USH2A: variants seen among roughly 807,000 people sequenced by gnomAD.
The protein encoded by USH2A is Usher syndrome 2A (autosomal recessive, mild).
Under a neutral mutation model 538.9 loss-of-function variants are expected in USH2A, and 443 were observed. The ratio of observed to expected loss-of-function variants is 0.82; its 90% confidence interval spans 0.76 to 0.89. The LOEUF is 0.89. Ranked by LOEUF, USH2A falls within the 40% of genes least tolerant of loss-of-function variation. The pLI, the probability that USH2A is intolerant of heterozygous loss-of-function variation, is 0.00. For missense variants in USH2A, 6,633 were observed against 6,324.8 expected (o/e 1.05, Z -1.65); for synonymous variants, 2,413 against 2,273.5 (o/e 1.06, Z -1.75).
At chr1:215,957,706 AC>A (rs1360832172) in intron 37 of USH2A, among the ~76,000 whole-genome samples, 3 of 151,976 alleles carry the variant, frequency 2.0e-5, no homozygotes, top group African/African-American at 7.3e-5. Context: ...TCTTTCTTCC[AC>A]CAGGAAATAT....
In USH2A at chr1:216,394,720, C is replaced by CTTTTTTTTTTTTTTTTTTTTT. The variant is rs780581599; in HGVS notation, c.651+23793_651+23794insAAAAAAAAAAAAAAAAAAAAA. Among the ~76,000 whole-genome samples the CTTTTTTTTTTTTTTTTTTTTT allele has an allele frequency of 1.6e-3, 195 of 120,304 alleles. 32 individuals carry two copies. The highest frequency in any genetic ancestry group is 2.5e-3 in the Non-Finnish European group (150 of 59,628). 78.9% of individuals were successfully genotyped at this position (120,304 alleles called of 152,430 possible). A position where few individuals can be genotyped will look rare whatever the true frequency, so the allele number is the denominator to read the frequency against. On this transcript the variant is annotated intron_variant, in intron 3 of 71. Coordinates refer to ENST00000307340, the MANE Select transcript of USH2A (RefSeq NM_206933.4). ...CTTAAGGCCTAATAACTGGTCCAGT[C>CTTTTTTTTTTTTTTTTTTTTT]TTTTTTTTTTTTTTTTGAGACAGAG...
intron 21 of USH2A, among the ~76,000 whole-genome samples, chr1:216,102,323 G>C (rs2032601958): frequency 6.6e-6 from 1 of 150,494 alleles, no homozygotes; most frequent in South Asian, 2.1e-4. Context: ...TGCAACTACT[G>C]TATATGTGTG....
chr1:216,159,100 T>C (rs1459061806), intron 21 of USH2A, among the ~76,000 whole-genome samples: 1 of 152,188 alleles, frequency 6.6e-6, no homozygotes, highest in South Asian at 2.1e-4. Context: ...ATAGTTTATA[T>C]ATTATTTTGA....
At chr1:216,202,826 C>G (rs1198867423) in intron 16 of USH2A, among the ~76,000 whole-genome samples, 3 of 152,168 alleles carry the variant, frequency 2.0e-5, no homozygotes, top group Non-Finnish European at 4.4e-5. Context: ...GGGAAACTTT[C>G]AGTGGTTCTC....
intron 61 of USH2A, among the ~76,000 whole-genome samples, chr1:215,699,594 G>A (rs1658938797): frequency 6.6e-6 from 1 of 152,196 alleles, no homozygotes; most frequent in Admixed American, 6.5e-5. Flanking sequence ...GTGAATGGAA[G>A]TTCACTCATG....
chr1:215,954,809 G>T (rs1197294254), intron 37 of USH2A, among the ~76,000 whole-genome samples: 5 of 151,762 alleles, frequency 3.3e-5, no homozygotes, highest in Non-Finnish European at 7.4e-5. Flanking sequence ...ACAGTCTGCT[G>T]CATGAAGTAG....
intron 38 of USH2A, among the ~76,000 whole-genome samples, chr1:215,907,259 A>T (rs1191578719): frequency 6.6e-6 from 1 of 151,956 alleles, no homozygotes; most frequent in Non-Finnish European, 1.5e-5. Context: ...CAAAAAGTGC[A>T]TATGGTTGGT....
intron 21 of USH2A, among the ~76,000 whole-genome samples, chr1:216,138,458 T>C (rs1286050098): frequency 1.3e-5 from 2 of 152,240 alleles, no homozygotes; most frequent in African/African-American, 2.4e-5. Flanking sequence ...CCCTTTTTCA[T>C]GGGTGATAAG....
chr1:216,363,426 A>G (rs544110353), intron 4 of USH2A, among the ~76,000 whole-genome samples: 67 of 152,176 alleles, frequency 4.4e-4, no homozygotes, highest in African/African-American at 1.5e-3. Flanking sequence ...GCCAGGCCAT[A>G]TAGCTAGTAA....
intron 43 of USH2A, among the ~76,000 whole-genome samples, chr1:215,869,613 CTTATAA>C (rs1365466899): frequency 1.3e-5 from 2 of 152,150 alleles, no homozygotes; most frequent in Admixed American, 6.5e-5. Flanking sequence ...GGGTAAAATA[CTTATAA>C]TTATATTTTA....
rs1029215374 is a variant in USH2A at position 215,912,273 on chromosome 1, C to T, written c.7301-11368G>A. On this transcript the variant is annotated intron_variant, in intron 38 of 71. Coordinates refer to ENST00000307340, the MANE Select transcript of USH2A (RefSeq NM_206933.4). ...GGATATTGCTCAAGAAATCTTTGCCCAGACCTATGTCCTATAGATTTTCCC... is the reference window on the plus strand; with the variant it reads ...GGATATTGCTCAAGAAATCTTTGCCTAGACCTATGTCCTATAGATTTTCCC... 3.3e-5 allele frequency among the ~76,000 whole-genome samples: 5 copies of T among 151,978 alleles called. No individual in the cohort carries two copies. In the South Asian group the frequency reaches 8.3e-4, roughly 25 times the overall value.
At chr1:216,236,067 G>A (rs1178870344) in intron 13 of USH2A, among the ~76,000 whole-genome samples, 1 of 152,014 alleles carries the variant, frequency 6.6e-6, no homozygotes, top group Admixed American at 6.6e-5. Flanking sequence ...ATAAAATCAC[G>A]CTAAAATTAC....
intron 32 of USH2A, among the ~76,000 whole-genome samples, chr1:216,045,341 T>C (rs935754220): frequency 1.3e-5 from 2 of 152,148 alleles, no homozygotes; most frequent in Admixed American, 6.5e-5. Context: ...GCAAGTCTTC[T>C]GTATTTAGAA....
intron 21 of USH2A, among the ~76,000 whole-genome samples, chr1:216,130,598 CAT>C (rs1046142990): frequency 7.0e-6 from 1 of 143,782 alleles, no homozygotes; most frequent in African/African-American, 2.5e-5. Flanking sequence ...CATTATATAT[CAT>C]GTGTATATAT....
chr1:215,890,564 T>TA (rs893256458), intron 40 of USH2A, among the ~76,000 whole-genome samples: 226 of 152,060 alleles, frequency 1.5e-3, no homozygotes, highest in African/African-American at 4.8e-3. Context: ...GAGAAATCCC[T>TA]AAAAAAAACC....
intron 11 of USH2A, among the ~76,000 whole-genome samples, chr1:216,283,534 A>G (rs907039342): frequency 2.0e-5 from 3 of 152,152 alleles, no homozygotes; most frequent in Non-Finnish European, 4.4e-5. Context: ...TTTCAGTACA[A>G]TGTTATGGGA....
chr1:215,952,418 CATT>C (rs1188105475), intron 37 of USH2A, among the ~76,000 whole-genome samples: 3 of 152,146 alleles, frequency 2.0e-5, no homozygotes, highest in African/African-American at 4.8e-5. Flanking sequence ...GTGATCCTGT[CATT>C]ATGATGTTAG....
chr1:216,361,592 G>A (rs758629785), intron 4 of USH2A, among the ~76,000 whole-genome samples: 3 of 151,906 alleles, frequency 2.0e-5, no homozygotes, highest in Non-Finnish European at 2.9e-5. Flanking sequence ...TTGGCAAAAG[G>A]CTTCCCAAAA....
intron 2 of USH2A, among the ~76,000 whole-genome samples, chr1:216,420,795 A>G (rs1280942118): frequency 1.3e-5 from 2 of 151,934 alleles, no homozygotes; most frequent in Admixed American, 6.6e-5. Context: ...AGAAATGGGA[A>G]TGGTTTGTGA....
Sources: allele counts gnomAD v4.1 joint callset (sites outside exome capture counted in the v4.1 genomes callset), GRCh38; gene constraint gnomAD v4.1.1; transcripts MANE v1.5; gene names NCBI Gene and HGNC (gene_info 2026-07-23, HGNC 2026-07-21).